TUBGCP5: variants seen among roughly 807,000 people sequenced by gnomAD.
TUBGCP5 encodes gamma-tubulin complex component 5.
A neutral mutation model predicts 134.7 loss-of-function variants in TUBGCP5; 98 were observed. The observed-to-expected ratio is 0.73, with a 90% CI of 0.62 to 0.86. The LOEUF is 0.86. Ranked by LOEUF, TUBGCP5 falls within the 40% of genes least tolerant of loss-of-function variation. The pLI is 0.00. For missense variants in TUBGCP5, 1,150 were observed against 1,244.8 expected, an observed-to-expected ratio of 0.92 and a Z score of 1.15; for synonymous variants, 456 against 431.4, an observed-to-expected ratio of 1.06 and a Z score of -0.71.
At chr15:23,017,644 A>G (rs751233174) in intron 13 of TUBGCP5, 129 bp downstream of exon 13, 34 of 920,092 alleles carry the variant, frequency 3.7e-5, no homozygotes, top group Admixed American at 6.5e-5. Context: ...AACCATGACG[A>G]TAATTGCCAC....
rs1005976745 is a variant in TUBGCP5, at chr15:23,009,864, A to T, written c.2144+81T>A. The T allele has an allele frequency of 9.1e-6, 12 of 1,323,646 alleles. No homozygotes were observed. In the African/African-American group the frequency reaches 1.8e-4, roughly 19 times the overall value. 82.0% of individuals were successfully genotyped at this position (1,323,646 alleles called of 1,614,324 possible). On this transcript the variant is annotated intron_variant, in intron 15 of 22. Coordinates refer to ENST00000615383, the MANE Select transcript of TUBGCP5 (RefSeq NM_052903.6). ...CCATTTCCTACTCTAATAAAAATTG[A>T]AATAGGTTTTAAAATAATCTCAACT...
chr15:23,017,478 T>C (rs2065402112), intron 13 of TUBGCP5, among the ~76,000 whole-genome samples: 1 of 152,006 alleles, frequency 6.6e-6, no homozygotes, highest in African/African-American at 2.4e-5. Context: ...AGAAAAGAAA[T>C]GGCAGGGGAT....
chr15:23,038,593 G>A (rs1034713008), intron 1 of TUBGCP5, among the ~76,000 whole-genome samples: 1 of 152,000 alleles, frequency 6.6e-6, no homozygotes, highest in African/African-American at 2.4e-5. Flanking sequence ...TGATCATTAA[G>A]GTAACTAAGA....
chr15:23,010,076 C>T lies in TUBGCP5; in HGVS notation c.2013G>A (p.Val671=). ...HEKFAGGDVC[V]DRSSESVTCQ... is the part of the protein sequence containing the mutation. The stretch of plus-strand genomic sequence containing the variant: ...ATGTCACAGATTCCGATGATCTATC[C>T]ACACATACATCACCACCAGCAAACT... Residue 671 remains valine (V), a synonymous_variant, in exon 15 of 23, where the codon GTG becomes GTA. Coordinates refer to ENST00000615383, the MANE Select transcript of TUBGCP5 (RefSeq NM_052903.6). 6.2e-7 allele frequency: 1 copy of T among 1,614,126 alleles called. No individual in the cohort carries two copies. Among genetic ancestry groups the T allele is most frequent in the Non-Finnish European group, 8.5e-7 (1 of 1,180,014 alleles).
rs2065444057 is a variant in TUBGCP5, at chr15:23,018,081, T to G, written c.1488-40A>C. On this transcript the variant is annotated intron_variant, in intron 12 of 22. Transcript: ENST00000615383. The stretch of plus-strand genomic sequence containing the variant: ...AAGAATTTTAAACTCTTATTTCTCT[T>G]TCTTAAAAACAGCATACTTGTTCTA... The G allele has an allele frequency of 1.9e-6, 3 of 1,550,862 alleles. No individual in the cohort carries two copies. In the South Asian group the frequency reaches 3.7e-5, roughly 19 times the overall value.
In TUBGCP5 at chr15:23,021,913, G is replaced by A. The variant is rs73411310; in HGVS notation, c.1371+46C>T. On this transcript the variant is annotated intron_variant, in intron 11 of 22. Coordinates refer to ENST00000615383, the MANE Select transcript of TUBGCP5 (RefSeq NM_052903.6). ...ACCATCAGCTGTCTATCACTCCTCT[G>A]CTGTGCAGCATGGAGTCACACACTT... 0.013 allele frequency: 20,890 copies of A among 1,559,434 alleles called. 868 individuals carry two copies. The African/African-American group carries it at 0.15, about 11-fold the overall frequency.
At chr15:23,016,103 T>G (rs954040498) in intron 13 of TUBGCP5, among the ~76,000 whole-genome samples, 1 of 152,008 alleles carries the variant, frequency 6.6e-6, no homozygotes, top group Non-Finnish European at 1.5e-5. Flanking sequence ...TACAAGACAG[T>G]ACAAATAAAC....
intron 10 of TUBGCP5, among the ~76,000 whole-genome samples, chr15:23,022,886 T>C (rs1223007909): frequency 2.0e-5 from 3 of 152,140 alleles, no homozygotes; most frequent in Non-Finnish European, 2.9e-5. Context: ...GGGTTACCAT[T>C]TTACAGCTGT....
At chr15:23,019,132 T>C in intron 12 of TUBGCP5, 87 bp downstream of exon 12, 1 of 936,758 alleles carries the variant, frequency 1.1e-6, no homozygotes, top group Non-Finnish European at 1.7e-6. Flanking sequence ...CTCAGTACTG[T>C]CTGAAACTAA....
Position 23,013,200 on chromosome 15 carries a change from C to G in TUBGCP5, c.1757-1869G>C. On this transcript the variant is annotated intron_variant, in intron 13 of 22. Transcript: ENST00000615383. This position sits in a 1 kb window ranked among gnomAD's most constrained non-coding sequence, Gnocchi z 4.5. ...GGGGGTGGTGACTCACACCTGTAAT[C>G]CCAACACTTCAGGAGGCCGAGGCGG... Among the ~76,000 whole-genome samples, 1 of 151,932 alleles carries G rather than the reference C, an allele frequency of 6.6e-6. No individual in the cohort carries two copies. Among genetic ancestry groups the G allele is most frequent in the South Asian group, 2.1e-4 (1 of 4,798 alleles).
In TUBGCP5 at chr15:23,008,992, A is replaced by G; in HGVS notation, c.2145-111T>C. On this transcript the variant is annotated intron_variant, in intron 15 of 22. Coordinates refer to ENST00000615383, the MANE Select transcript of TUBGCP5 (RefSeq NM_052903.6). ...TTTTAGTGGAACAAGTTTACATTCT[A>G]CATTTACTAAAATTAGAAATATTAA... is the stretch of plus-strand genomic sequence containing the variant. 4 of 796,058 alleles carry G rather than the reference A, an allele frequency of 5.0e-6. No individual in the cohort carries two copies. The Admixed American group carries it at 1.3e-4, about 25-fold the overall frequency. 49.3% of individuals were successfully genotyped at this position (796,058 alleles called of 1,614,324 possible).
chr15:23,006,551 G>A (rs370845831), intron 16 of TUBGCP5, among the ~76,000 whole-genome samples, 199 bp from the exon 17 acceptor site: 1 of 152,128 alleles, frequency 6.6e-6, no homozygotes, highest in East Asian at 1.9e-4. Flanking sequence ...AACAGAGAGG[G>A]AGAAAACTTT....
intron 6 of TUBGCP5, among the ~76,000 whole-genome samples, chr15:23,030,608 A>G (rs2066253426): frequency 6.6e-6 from 1 of 151,836 alleles, no homozygotes; most frequent in Non-Finnish European, 1.5e-5. Flanking sequence ...AATTAAAAAA[A>G]AAAAAAAAAA....
chr15:23,035,329 T>A (rs1163421094), intron 3 of TUBGCP5, among the ~76,000 whole-genome samples: 4 of 134,628 alleles, frequency 3.0e-5, no homozygotes, highest in Non-Finnish European at 3.1e-5. Context: ...CACTCAGTCT[T>A]AAAAAAAAAA....
rs2063920643 is a variant in TUBGCP5, at chr15:22,993,453, C to G, written c.*61+3392G>C. Among the ~76,000 whole-genome samples, 3 of 147,952 alleles carry G rather than the reference C, an allele frequency of 2.0e-5. No homozygotes were observed. In the Admixed American group the frequency reaches 2.1e-4, roughly 10 times the overall value. Reference sequence around the variant, plus strand: ...TTACTCTGCCGCCCAGGCTGGAGTGCAGTGGCACGATCAAGCTCACTAGAC... The same window carrying G: ...TTACTCTGCCGCCCAGGCTGGAGTGGAGTGGCACGATCAAGCTCACTAGAC... On this transcript the variant is annotated intron_variant and NMD_transcript_variant, in intron 23 of 23. Transcript: ENST00000614508.
At chr15:23,035,751 A>T (rs2066554102) in intron 3 of TUBGCP5, among the ~76,000 whole-genome samples, 1 of 152,094 alleles carries the variant, frequency 6.6e-6, no homozygotes. Context: ...GCAAGAGAAA[A>T]GGATAACCAA....
In TUBGCP5 at chr15:23,023,963, C is replaced by G; in HGVS notation, c.1152G>C (p.Lys384Asn). The G allele has an allele frequency of 6.2e-7, 1 of 1,613,942 alleles. No homozygotes were observed. Among genetic ancestry groups the G allele is most frequent in the Non-Finnish European group, 8.5e-7 (1 of 1,179,910 alleles). Reference sequence around the variant, plus strand: ...ATTTAATACCATTATTGATGATGCACTTCTCAATTTCTGCAAGTTCCTCTT... The same window carrying G: ...ATTTAATACCATTATTGATGATGCAGTTCTCAATTTCTGCAAGTTCCTCTT... The part of the protein sequence containing the change: ...SFKEELAEIE[K>N]CIINNDTTIT... The change falls in exon 10 of 23, where the codon AAG becomes AAC. Residue 384 changes from lysine (K) to asparagine (N), a missense_variant. By Grantham distance (94) the Lys-to-Asn change is moderately conservative (BLOSUM62 0). Coordinates refer to ENST00000615383, the MANE Select transcript of TUBGCP5 (RefSeq NM_052903.6).
chr15:23,020,174 C>T (rs1436665382), intron 11 of TUBGCP5, among the ~76,000 whole-genome samples: 4 of 151,002 alleles, frequency 2.6e-5, no homozygotes, highest in Non-Finnish European at 5.9e-5. Context: ...TTTGGAAGGC[C>T]GAGGTAGGCG....
At chr15:23,031,055 G>T (rs374938000) in intron 5 of TUBGCP5, 35 bp from the exon 6 acceptor site, 5 of 1,581,536 alleles carry the variant, frequency 3.2e-6, no homozygotes, top group Admixed American at 1.9e-5. Flanking sequence ...TAGCTTTACA[G>T]AGTATAACAC....
Sources: gnomAD v4.1 joint callset for allele counts (sites outside exome capture counted in the v4.1 genomes callset) on GRCh38, gnomAD v4.1.1 for gene constraint, Gnocchi (gnomAD v3.1) non-coding constraint, MANE v1.5 for transcripts, NCBI Gene and HGNC (gene_info 2026-07-23, HGNC 2026-07-21) for gene names.